The following TTC7B variants were observed in gnomAD, a reference collection of about 807,000 sequenced individuals.
TTC7B encodes the protein tetratricopeptide repeat protein 7B.
TTC7B carries 28 observed loss-of-function variants against 106.8 expected under a neutral mutation model. The ratio of observed to expected loss-of-function variants is 0.26; its 90% CI spans 0.19 to 0.36. The LOEUF is 0.36. Ranked by LOEUF, TTC7B falls within the 10% of genes least tolerant of loss-of-function variation. The probability of loss-of-function intolerance (pLI) is 1.00; values close to 1 mark genes in which losing one functional copy is unlikely to be tolerated. For missense variants in TTC7B, 862 were observed against 1,076.4 expected (o/e 0.80, Z 2.79); for synonymous variants, 405 against 430.6 (o/e 0.94, Z 0.74).
intron 17 of TTC7B, among the ~76,000 whole-genome samples, chr14:90,606,580 CAG>C (rs1892648170): frequency 6.6e-6 from 1 of 152,154 alleles, no homozygotes; most frequent in Non-Finnish European, 1.5e-5. Flanking sequence ...GACAATGACT[CAG>C]AGCTTCAAAG....
chr14:90,773,718 C>T (rs191726658), intron 3 of TTC7B, among the ~76,000 whole-genome samples: 12 of 152,286 alleles, frequency 7.9e-5, no homozygotes, highest in African/African-American at 2.4e-4. Flanking sequence ...TTCCAGTGCC[C>T]GGCTCTGGTC....
At chr14:90,723,216 T>A (rs1888962393) in intron 5 of TTC7B, among the ~76,000 whole-genome samples, 1 of 152,182 alleles carries the variant, frequency 6.6e-6, no homozygotes, top group Admixed American at 6.5e-5. Context: ...TCCATTTCCC[T>A]TACCCTCTGT....
intron 17 of TTC7B, among the ~76,000 whole-genome samples, chr14:90,594,122 G>C (rs1162928818): frequency 6.6e-6 from 1 of 152,140 alleles, no homozygotes; most frequent in Non-Finnish European, 1.5e-5. Context: ...CCTTGGAGAG[G>C]TGGACTACAC....
At chr14:90,784,191 G>C (rs1272043999) in intron 2 of TTC7B, among the ~76,000 whole-genome samples, 4 of 152,114 alleles carry the variant, frequency 2.6e-5, no homozygotes, top group African/African-American at 9.6e-5. Context: ...TGCTGATCAA[G>C]ACCTACCACC....
chr14:90,531,324 A>G lies in TTC7B; in HGVS notation c.*10044T>C, dbSNP rs763192239. ...AGTGGCTCACGCCTGTAATCCCAGC[A>G]CTTTGGGAGGCTGAGGCGGGCAGAT... is the stretch of plus-strand genomic sequence containing the variant. On this transcript the variant is annotated 3_prime_UTR_variant, in exon 20 of 20. Transcript: ENST00000328459. 1.3e-5 allele frequency: 2 copies of G among 152,196 alleles called. No homozygotes were observed. Among genetic ancestry groups the G allele is most frequent in the African/African-American group, 2.4e-5 (1 of 41,444 alleles). 9.4% of individuals were successfully genotyped at this position (152,196 alleles called of 1,614,324 possible). A position where few individuals can be genotyped will look rare whatever the true frequency, so the allele number is the denominator to read the frequency against.
In TTC7B at chr14:90,527,820, A is replaced by G. The variant is rs1889182570; in HGVS notation, c.*13548T>C. ...ATGATCCACCCACCTCAGCCTCCCA[A>G]AGTGCTGGGATTTCAGGCGTGAGCC... On this transcript the variant is annotated 3_prime_UTR_variant, in exon 20 of 20. Coordinates refer to ENST00000328459, the MANE Select transcript of TTC7B (RefSeq NM_001010854.2). 1 of 151,250 alleles carries G rather than the reference A, an allele frequency of 6.6e-6. No homozygotes were observed. The highest frequency in any genetic ancestry group is 2.0e-4 in the East Asian group (1 of 5,000). The allele number at this position is 151,250 out of a possible 1,614,324, so 9.4% of individuals were successfully genotyped here.
At chr14:90,734,763 T>C (rs1454057999) in intron 4 of TTC7B, among the ~76,000 whole-genome samples, 2 of 151,838 alleles carry the variant, frequency 1.3e-5, no homozygotes, top group Non-Finnish European at 2.9e-5. Context: ...AGCTTCTTTT[T>C]AAATTTTTAT....
intron 1 of TTC7B, among the ~76,000 whole-genome samples, chr14:90,804,818 T>C (rs1288290644): frequency 1.3e-5 from 2 of 152,196 alleles, no homozygotes; most frequent in African/African-American, 4.8e-5. Context: ...AGGGGGGTAG[T>C]TCCTCAAGGG....
Position 90,586,181 on chromosome 14 carries a change from C to A in TTC7B, c.2107+7305G>T, listed in dbSNP as rs570160275. ...CACCGCATGGGCTCCTTCCTGCCCC[C>A]CTGGCTGCCGCGATGCCGTCTGCGC... On this transcript the variant is annotated intron_variant, in intron 18 of 19. Coordinates refer to ENST00000328459, the MANE Select transcript of TTC7B (RefSeq NM_001010854.2). 1.4e-4 allele frequency among the ~76,000 whole-genome samples: 21 copies of A among 152,354 alleles called. No homozygotes were observed. The South Asian group carries it at 2.3e-3, about 17-fold the overall frequency.
intron 3 of TTC7B, among the ~76,000 whole-genome samples, chr14:90,768,063 G>T (rs186059900): frequency 3.9e-5 from 6 of 152,274 alleles, no homozygotes; most frequent in African/African-American, 1.2e-4. Context: ...AAAGCAACAA[G>T]AAGCAACTTG....
chr14:90,811,582 C>G (rs778793679), intron 1 of TTC7B, among the ~76,000 whole-genome samples: 91 of 151,696 alleles, frequency 6.0e-4, no homozygotes, highest in Admixed American at 3.6e-3. Flanking sequence ...CTGTGGATGC[C>G]CGTGCTTAAA....
chr14:90,806,044 A>C (rs560458587), intron 1 of TTC7B, among the ~76,000 whole-genome samples: 1 of 152,368 alleles, frequency 6.6e-6, no homozygotes, highest in Admixed American at 6.5e-5. Context: ...CACGAACACA[A>C]AAAAAAGTCA....
chr14:90,766,056 G>A (rs971786283), intron 3 of TTC7B, among the ~76,000 whole-genome samples: 114 of 151,988 alleles, frequency 7.5e-4, no homozygotes, highest in African/African-American at 2.7e-3. Flanking sequence ...CCCATGGAAA[G>A]GCACAGACTC....
At position 90,781,724 on chromosome 14, in the gene TTC7B, C is replaced by T. The variant is rs530183203; in HGVS notation, c.277-818G>A. On this transcript the variant is annotated intron_variant, in intron 2 of 19. Coordinates refer to ENST00000328459, the MANE Select transcript of TTC7B (RefSeq NM_001010854.2). The stretch of plus-strand genomic sequence containing the variant: ...TTGCTTGCTTTCCAGGGCGAAGTTT[C>T]TCACTGAGCCATTGAAGTTTCTAAA... Among the ~76,000 whole-genome samples the T allele has an allele frequency of 3.9e-5, 6 of 152,238 alleles. No homozygotes were observed. In the East Asian group the frequency reaches 1.2e-3, roughly 29 times the overall value.
At chr14:90,716,579 C>T (rs2139973327) in intron 5 of TTC7B, among the ~76,000 whole-genome samples, 1 of 152,216 alleles carries the variant, frequency 6.6e-6, no homozygotes, top group East Asian at 1.9e-4. Flanking sequence ...ATTGAGTAGG[C>T]AACAGTTTTT....
At position 90,577,224 on chromosome 14, in the gene TTC7B, C is replaced by A. The variant is rs1891293767; in HGVS notation, c.2310+882G>T. Among the ~76,000 whole-genome samples the A allele has an allele frequency of 6.6e-6, 1 of 152,244 alleles. No homozygotes were observed. Among genetic ancestry groups the A allele is most frequent in the Non-Finnish European group, 1.5e-5 (1 of 68,044 alleles). ...CAATTCAGAACCAAAGCCCAGCATG[C>A]AGGCCCAGGGAACGTGGCACGGCTT... On this transcript the variant is annotated intron_variant, in intron 19 of 19. Transcript: ENST00000328459. This position sits in a 1 kb window ranked among gnomAD's most constrained non-coding sequence, Gnocchi z 5.0.
Position 90,659,230 on chromosome 14 carries a change from T to TGTGTGTGA in TTC7B, c.1153-844_1153-843insTCACACAC, listed in dbSNP as rs559012864. Among the ~76,000 whole-genome samples, 370 of 146,952 alleles carry TGTGTGTGA rather than the reference T, an allele frequency of 2.5e-3. 2 individuals carry two copies. The highest frequency in any genetic ancestry group is 0.014 in the Middle Eastern group (4 of 284). On this transcript the variant is annotated intron_variant, in intron 9 of 19. Transcript: ENST00000328459. Reference sequence around the variant, plus strand: ...GAGTGTGATTGTGTGTGTGTGTGTGTGAGAGAGAGAGAGTGTGTGGAGTGT... The same window carrying TGTGTGTGA: ...GAGTGTGATTGTGTGTGTGTGTGTGTGTGTGTGAGAGAGAGAGAGAGTGTGTGGAGTGT...
intron 18 of TTC7B, among the ~76,000 whole-genome samples, chr14:90,586,602 T>C (rs1005488064): frequency 6.6e-6 from 1 of 152,222 alleles, no homozygotes; most frequent in Admixed American, 6.5e-5. Flanking sequence ...AGGGGCTCAG[T>C]CTCAGTCTGG....
At chr14:90,649,090 C>T (rs945766312) in intron 13 of TTC7B, among the ~76,000 whole-genome samples, 6 of 152,302 alleles carry the variant, frequency 3.9e-5, no homozygotes, top group African/African-American at 9.6e-5. Context: ...ACCACAGCAC[C>T]GTGAAAGGAA....
Sources: gnomAD v4.1 joint callset for allele counts (sites outside exome capture counted in the v4.1 genomes callset) on GRCh38, gnomAD v4.1.1 for gene constraint, Gnocchi (gnomAD v3.1) non-coding constraint, MANE v1.5 for transcripts, NCBI Gene and HGNC (gene_info 2026-07-23, HGNC 2026-07-21) for gene names.